Variants in KCNH1 observed in about 807,000 individuals in gnomAD.
KCNH1 encodes the protein potassium voltage-gated channel subfamily H member 1, also known as voltage-gated delayed rectifier potassium channel KCNH1.
KCNH1 carries 27 observed loss-of-function variants against 69.2 expected under a neutral mutation model. That is an observed-to-expected ratio of 0.39 (90% confidence interval 0.29 to 0.54). The LOEUF (loss-of-function observed/expected upper bound fraction) is 0.54. Among genes scored for constraint, KCNH1 ranks in the 20% least tolerant of loss-of-function variants. The pLI, the probability that KCNH1 is intolerant of heterozygous loss-of-function variation, is 0.68. For missense variants in KCNH1, 798 were observed against 1,261.6 expected, an observed-to-expected ratio of 0.63 and a Z score of 5.57; for synonymous variants, 456 against 487.7, an observed-to-expected ratio of 0.93 and a Z score of 0.86.
intron 7 of KCNH1, among the ~76,000 whole-genome samples, chr1:210,814,709 T>G (rs1684778439): frequency 6.6e-6 from 1 of 152,186 alleles, no homozygotes; most frequent in Admixed American, 6.6e-5. Flanking sequence ...ACATGACAAA[T>G]GTCAAACACA....
At chr1:210,744,499 C>A (rs746487437) in intron 10 of KCNH1, among the ~76,000 whole-genome samples, 2 of 152,084 alleles carry the variant, frequency 1.3e-5, no homozygotes, top group Non-Finnish European at 2.9e-5. Context: ...CAAAAATTAG[C>A]CAGGCATGGT....
chr1:210,804,063 G>A lies in KCNH1; in HGVS notation c.1566C>T (p.Phe522=), dbSNP rs747418488. Residue 522 remains phenylalanine (F), a synonymous_variant, in exon 8 of 11, where the codon TTC becomes TTT. Coordinates refer to ENST00000271751, the MANE Select transcript of KCNH1 (RefSeq NM_172362.3). The part of the protein sequence containing the change: ...YHEMLNSVRD[F]LKLYQVPKGL... Reference sequence around the variant, plus strand: ...CTTTTGGCACCTGGTAGAGCTTCAGGAAGTCCCGAACACTGTTGAGCATCT... The same window carrying A: ...CTTTTGGCACCTGGTAGAGCTTCAGAAAGTCCCGAACACTGTTGAGCATCT... 1 of 1,614,162 alleles carries A rather than the reference G, an allele frequency of 6.2e-7. No individual in the cohort carries two copies. The highest frequency in any genetic ancestry group is 2.2e-5 in the East Asian group (1 of 44,880).
rs568388620 is a variant in KCNH1, at chr1:211,088,475, T to C, written c.439+2087A>G. Among the ~76,000 whole-genome samples the C allele has an allele frequency of 1.7e-3, 253 of 152,300 alleles. 1 individual carries two copies. Among genetic ancestry groups the C allele is most frequent in the African/African-American group, 5.6e-3 (234 of 41,586 alleles). ...TAAAATAACAAGGCCTAGAGAATTA[T>C]CATGTGCTTCCATCATAAACACACT... On this transcript the variant is annotated intron_variant, in intron 4 of 10. Transcript: ENST00000271751.
chr1:210,915,573 GC>G (rs59806283), intron 7 of KCNH1, among the ~76,000 whole-genome samples: 22,244 of 151,994 alleles, frequency 0.15, 1,914 homozygotes, highest in East Asian at 0.37. Context: ...AAGCTGGCTT[GC>G]CCCTGATCCA....
chr1:210,952,497 T>C (rs1029893871), intron 6 of KCNH1, among the ~76,000 whole-genome samples: 2 of 152,186 alleles, frequency 1.3e-5, no homozygotes, highest in South Asian at 4.1e-4. Context: ...GACAAACCAA[T>C]AATACTTGCA....
chr1:210,796,565 G>A (rs1475498204), intron 9 of KCNH1, among the ~76,000 whole-genome samples: 1 of 152,068 alleles, frequency 6.6e-6, no homozygotes, highest in Non-Finnish European at 1.5e-5. Context: ...CCGCATCCCT[G>A]CTCCTCCTCC....
At chr1:211,126,714 CT>C (rs1426160956) in intron 1 of KCNH1, among the ~76,000 whole-genome samples, 2 of 146,350 alleles carry the variant, frequency 1.4e-5, no homozygotes, top group African/African-American at 5.2e-5. Context: ...AAAGACTGCA[CT>C]TGCCTAGAGA....
intron 7 of KCNH1, among the ~76,000 whole-genome samples, chr1:210,888,994 A>C (rs1000273936): frequency 6.6e-6 from 1 of 152,224 alleles, no homozygotes; most frequent in Non-Finnish European, 1.5e-5. Context: ...AGCCGTTACC[A>C]TTCCTTCTGA....
chr1:210,993,093 C>T (rs1288468331), intron 6 of KCNH1, among the ~76,000 whole-genome samples: 2 of 152,170 alleles, frequency 1.3e-5, no homozygotes, highest in African/African-American at 2.4e-5. Context: ...TTAAGCTTGC[C>T]CAACCCTCCC....
At chr1:210,686,488 G>A (rs1246530269) in intron 10 of KCNH1, among the ~76,000 whole-genome samples, 1 of 152,162 alleles carries the variant, frequency 6.6e-6, no homozygotes, top group Non-Finnish European at 1.5e-5. Context: ...ATTTGTAGTA[G>A]GGAGGCCAAC....
chr1:210,951,685 T>C (rs1218872944), intron 6 of KCNH1, among the ~76,000 whole-genome samples: 1 of 152,192 alleles, frequency 6.6e-6, no homozygotes, highest in East Asian at 1.9e-4. Context: ...GGTGTAATTT[T>C]ATTAAAATAT....
rs571295749 is a variant in KCNH1 at position 210,681,577 on chromosome 1, C to T, written c.*1704G>A. On this transcript the variant is annotated 3_prime_UTR_variant, in exon 11 of 11. Transcript: ENST00000271751. ...CAACCGAGGGCCCAGCCCTGGGACT[C>T]GCCGTGAGCACTGGGCAGGACTAAG... The T allele has an allele frequency of 1.0e-4, 15 of 149,718 alleles. No homozygotes were observed. The highest frequency in any genetic ancestry group is 3.4e-4 in the African/African-American group (14 of 40,938). The allele number at this position is 149,718 out of a possible 1,614,324, so 9.3% of individuals were successfully genotyped here.
rs994050653 is a variant in KCNH1, at chr1:210,681,174, G to A, written c.*2107C>T. The stretch of plus-strand genomic sequence containing the variant: ...AGGTTGAGGAGCATGTTTAAGAAAT[G>A]GCAGACTAGAATGTTAGGGGGCAGC... On this transcript the variant is annotated 3_prime_UTR_variant, in exon 11 of 11. Coordinates refer to ENST00000271751, the MANE Select transcript of KCNH1 (RefSeq NM_172362.3). 1 of 152,164 alleles carries A rather than the reference G, an allele frequency of 6.6e-6. No individual in the cohort carries two copies. Among genetic ancestry groups the A allele is most frequent in the Non-Finnish European group, 1.5e-5 (1 of 68,042 alleles). The allele number at this position is 152,164 out of a possible 1,614,324, so 9.4% of individuals were successfully genotyped here. A position where few individuals can be genotyped will look rare whatever the true frequency, so the allele number is the denominator to read the frequency against.
chr1:210,955,636 T>C (rs2102350483), intron 6 of KCNH1, among the ~76,000 whole-genome samples: 1 of 152,286 alleles, frequency 6.6e-6, no homozygotes, highest in East Asian at 1.9e-4. Flanking sequence ...TAAGATGGAT[T>C]CCTAGGTATT....
intron 10 of KCNH1, among the ~76,000 whole-genome samples, chr1:210,702,525 T>TTTAA (rs1681807330): frequency 6.6e-6 from 1 of 152,240 alleles, no homozygotes; most frequent in Non-Finnish European, 1.5e-5. Flanking sequence ...TTGCTTCTTT[T>TTTAA]GAATTTTTAA....
Position 211,056,804 on chromosome 1 carries a change from T to C in KCNH1, c.558+25976A>G, listed in dbSNP as rs143215060. 3.1e-3 allele frequency among the ~76,000 whole-genome samples: 479 copies of C among 152,342 alleles called. 6 individuals are homozygous for C. The highest frequency in any genetic ancestry group is 0.011 in the African/African-American group (458 of 41,576). On this transcript the variant is annotated intron_variant, in intron 5 of 10. Coordinates refer to ENST00000271751, the MANE Select transcript of KCNH1 (RefSeq NM_172362.3). The stretch of plus-strand genomic sequence containing the variant: ...CACTCAAGACCACCAAGGTGGTACC[T>C]CTACGAGTCTGCAAGAGCCACAGCT...
intron 6 of KCNH1, among the ~76,000 whole-genome samples, chr1:210,927,848 A>G (rs1687602477): frequency 6.6e-6 from 1 of 152,176 alleles, no homozygotes; most frequent in African/African-American, 2.4e-5. Context: ...CATAAACTTA[A>G]GGTAAAGGGG....
intron 9 of KCNH1, among the ~76,000 whole-genome samples, chr1:210,781,861 G>T (rs999432532): frequency 6.6e-6 from 1 of 152,210 alleles, no homozygotes; most frequent in African/African-American, 2.4e-5. Context: ...GCAAGCCTAG[G>T]TTCAACCCAT....
In KCNH1 at chr1:211,107,395, A is replaced by C. The variant is rs77214996; in HGVS notation, c.80-18T>G. On this transcript the variant is annotated intron_variant, in intron 1 of 10. Coordinates refer to ENST00000271751, the MANE Select transcript of KCNH1 (RefSeq NM_172362.3). The stretch of plus-strand genomic sequence containing the variant: ...ATTAGTATCTGTTAAAAAAAAAAAA[A>C]AGGGAAAAAAGGGCACATGAGGCAA... The C allele has an allele frequency of 9.4e-4, 1,409 of 1,492,092 alleles. No individual in the cohort carries two copies. Among genetic ancestry groups the C allele is most frequent in the Admixed American group, 2.6e-3 (143 of 54,320 alleles). The allele number at this position is 1,492,092 out of a possible 1,614,324, so 92.4% of individuals were successfully genotyped here.
Sources: allele counts gnomAD v4.1 joint callset (sites outside exome capture counted in the v4.1 genomes callset), GRCh38; gene constraint gnomAD v4.1.1; transcripts MANE v1.5; gene names NCBI Gene and HGNC (gene_info 2026-07-23, HGNC 2026-07-21).